Variants in DNHD1 observed in about 807,000 individuals in gnomAD.
The protein encoded by DNHD1 is dynein heavy chain domain 1.
A neutral mutation model predicts 458.1 loss-of-function variants in DNHD1; 383 were observed. That is an observed-to-expected ratio of 0.84 (90% confidence interval 0.77 to 0.91). The LOEUF is 0.91. Ranked by LOEUF, DNHD1 falls within the 40% of genes least tolerant of loss-of-function variation. The probability of loss-of-function intolerance (pLI) is 0.00; values close to 1 mark genes in which losing one functional copy is unlikely to be tolerated. For synonymous variants in DNHD1, 2,203 were observed against 2,376.9 expected, an observed-to-expected ratio of 0.93 and a Z score of 2.13; for missense variants, 5,336 against 5,866.1, an observed-to-expected ratio of 0.91 and a Z score of 2.95.
rs752670743 is a variant in DNHD1, at chr11:6,520,133, G to A, written c.1785+31G>A. 9.9e-6 allele frequency: 16 copies of A among 1,613,914 alleles called. No individual in the cohort carries two copies. The East Asian group carries it at 2.7e-4, about 27-fold the overall frequency. ...CTGAATTGGGCAGAGAGCTGGCTGT[G>A]GGAATTCCCAGTTCCTATCCTCTGA... On this transcript the variant is annotated intron_variant, in intron 9 of 42. Transcript: ENST00000254579.
At position 6,559,083 on chromosome 11, in the gene DNHD1, G is replaced by A. The variant is rs1460405640; in HGVS notation, c.9393G>A (p.Leu3131=). ...TGATGCTGCAGCAACAGACAATCCT[G>A]AAGATTAAGAACAAGGCCCAGCGGT... ...TFLMLQQQTI[L]KIKNKAQRVQ... The change falls in exon 27 of 43, where the codon CTG becomes CTA. Residue 3131 remains leucine, a synonymous_variant. Transcript: ENST00000254579. 2 of 1,551,676 alleles carry A rather than the reference G, an allele frequency of 1.3e-6. No homozygotes were observed. Among genetic ancestry groups the A allele is most frequent in the East Asian group, 2.4e-5 (1 of 40,918 alleles).
chr11:6,506,590 A>C (rs1049011280), intron 4 of DNHD1, among the ~76,000 whole-genome samples: 4 of 152,144 alleles, frequency 2.6e-5, no homozygotes, highest in Non-Finnish European at 5.9e-5. Flanking sequence ...ATTTATCAAA[A>C]TTTTAATTGC....
chr11:6,559,945 T>C (rs970643364), intron 28 of DNHD1, among the ~76,000 whole-genome samples: 2 of 152,198 alleles, frequency 1.3e-5, no homozygotes, highest in Non-Finnish European at 2.9e-5. Context: ...TCCCTTCTAG[T>C]TGAAACCTCA....
At chr11:6,499,080 C>CAACT (rs1852089168) in intron 3 of DNHD1, 119 bp downstream of exon 3, 1 of 1,151,882 alleles carries the variant, frequency 8.7e-7, no homozygotes, top group African/African-American at 1.6e-5. Context: ...GGGATTAGCC[C>CAACT]AACTCCACAC....
intron 10 of DNHD1, among the ~76,000 whole-genome samples, chr11:6,524,987 G>A (rs1247600040): frequency 6.6e-6 from 1 of 152,152 alleles, no homozygotes; most frequent in Non-Finnish European, 1.5e-5. Flanking sequence ...ACTCTTTCCT[G>A]CTTTTAGCTA....
intron 16 of DNHD1, among the ~76,000 whole-genome samples, 180 bp downstream of exon 16, chr11:6,538,990 A>G (rs1470129642): frequency 6.6e-6 from 1 of 152,110 alleles, no homozygotes; most frequent in East Asian, 1.9e-4. Context: ...AACTTCCCTT[A>G]CTACCTCCTC....
rs749035715 is a variant in DNHD1, at chr11:6,567,620, C to T, written c.12111C>T (p.Leu4037=). Residue 4037 remains leucine, a synonymous_variant, in exon 36 of 43, where the codon CTC becomes CTT. Coordinates refer to ENST00000254579, the MANE Select transcript of DNHD1 (RefSeq NM_144666.3). ...GGCCAGGGCCTGAGCCACTCAGCCT[C>T]CTCCAGAAGCTGATCCTGTGGCGCG... ...APGPGPEPLS[L]LQKLILWRVL... 13 of 1,613,888 alleles carry T rather than the reference C, an allele frequency of 8.1e-6. No individual in the cohort carries two copies. Among genetic ancestry groups the T allele is most frequent in the Non-Finnish European group, 9.3e-6 (11 of 1,179,858 alleles).
chr11:6,521,168 C>A (rs1164765493), intron 10 of DNHD1, among the ~76,000 whole-genome samples: 2 of 152,146 alleles, frequency 1.3e-5, no homozygotes, highest in Non-Finnish European at 2.9e-5. Flanking sequence ...AACAAACATA[C>A]CTAACCTGAA....
intron 3 of DNHD1, among the ~76,000 whole-genome samples, chr11:6,502,135 A>G (rs1453015833): frequency 6.6e-6 from 1 of 152,172 alleles, no homozygotes; most frequent in Admixed American, 6.5e-5. Flanking sequence ...TTCCATACCA[A>G]TTTTGTTGAC....
At chr11:6,562,899 A>G (rs941892658) in intron 28 of DNHD1, 83 bp from the exon 29 acceptor site, 1 of 1,458,684 alleles carries the variant, frequency 6.9e-7, no homozygotes, top group South Asian at 1.4e-5. Flanking sequence ...GGAGTGTGCT[A>G]CAGTTCCAGG....
At chr11:6,521,014 T>C (rs900205608) in intron 10 of DNHD1, 12 of 307,066 alleles carry the variant, frequency 3.9e-5, no homozygotes, top group Middle Eastern at 1.7e-3. Flanking sequence ...TTACAAATTA[T>C]ACACCAGTTG....
At chr11:6,541,448 ATGTT>A (rs1853096697) in intron 18 of DNHD1, among the ~76,000 whole-genome samples, 1 of 152,212 alleles carries the variant, frequency 6.6e-6, no homozygotes, top group Non-Finnish European at 1.5e-5. Flanking sequence ...GGAAGCAAAA[ATGTT>A]TGGGTCTTGT....
At chr11:6,550,596 C>T (rs1215048384) in intron 24 of DNHD1, among the ~76,000 whole-genome samples, 1 of 152,120 alleles carries the variant, frequency 6.6e-6, no homozygotes, top group Admixed American at 6.5e-5. Context: ...TAGAAACTGA[C>T]CCTGAGATCT....
At chr11:6,539,828 C>T (rs1420003730) in intron 17 of DNHD1, 48 bp from the exon 18 acceptor site, 4 of 1,516,264 alleles carry the variant, frequency 2.6e-6, no homozygotes, top group South Asian at 1.2e-5. Context: ...CCAAGCCTGT[C>T]CCCGAAGCAG....
In DNHD1 at chr11:6,571,349, G is replaced by A. The variant is rs763316966; in HGVS notation, c.13837G>A (p.Gly4613Ser). 15 of 1,612,262 alleles carry A rather than the reference G, an allele frequency of 9.3e-6. No individual in the cohort carries two copies. Among genetic ancestry groups the A allele is most frequent in the Non-Finnish European group, 1.3e-5 (15 of 1,179,436 alleles). Residue 4613 changes from glycine to serine, a missense_variant, in exon 42 of 43, where the codon GGT becomes AGT. Around this residue, in one of 4 missense-constraint regions of DNHD1, gnomAD observed 698 missense variants for 664.9 expected, o/e 1.05. Coordinates refer to ENST00000254579, the MANE Select transcript of DNHD1 (RefSeq NM_144666.3). The surrounding 1 kb of genome is among the most constrained non-coding windows in gnomAD (Gnocchi z 5.0). ...GAATGTGCCCAGCTCGAATTTCCCT[G>A]GTAGCCGAGGCTCGGTCTCCAGTCA... The part of the protein sequence containing the change: ...DQNVPSSNFP[G>S]SRGSVSSQLQ...
At chr11:6,543,958 CAAAAAAAAAAAAA>C (rs34739231) in intron 18 of DNHD1, among the ~76,000 whole-genome samples, 150 bp from the exon 19 acceptor site, 5 of 74,000 alleles carry the variant, frequency 6.8e-5, no homozygotes, top group Admixed American at 3.7e-4. Context: ...GACTCTGTCT[CAAAAAAAAAAAAA>C]AAAAAAAAAA....
At position 6,571,124 on chromosome 11, in the gene DNHD1, C is replaced by G. The variant is rs754601076; in HGVS notation, c.13612C>G (p.Arg4538Gly). The change falls in exon 42 of 43, where the codon CGA becomes GGA. Residue 4538 changes from arginine (R) to glycine (G), a missense_variant. Physicochemically the swap from Arg to Gly is moderately radical, Grantham distance 125. This residue lies in a region of DNHD1 where 698 missense variants were observed against 664.9 expected (regional missense o/e 1.05). Transcript: ENST00000254579. This position sits in a 1 kb window ranked among gnomAD's most constrained non-coding sequence, Gnocchi z 5.0. ...LWTGRLPLPWRPHAPAGPQPP... is the reference protein window; with the variant it reads ...LWTGRLPLPWGPHAPAGPQPP... ...GACTGGCCGCCTACCCTTGCCTTGG[C>G]GACCTCATGCGCCGGCCGGTCCGCA... The G allele has an allele frequency of 6.3e-7, 1 of 1,599,410 alleles. No homozygotes were observed. The highest frequency in any genetic ancestry group is 8.5e-7 in the Non-Finnish European group (1 of 1,174,696).
intron 24 of DNHD1, 177 bp downstream of exon 24, chr11:6,549,110 C>A: frequency 2.9e-6 from 2 of 683,198 alleles, no homozygotes; most frequent in Non-Finnish European, 4.8e-6. Flanking sequence ...CTCTCATGGC[C>A]TCATCTCTGC....
At chr11:6,541,394 T>G (rs1411321262) in intron 18 of DNHD1, among the ~76,000 whole-genome samples, 1 of 152,208 alleles carries the variant, frequency 6.6e-6, no homozygotes, top group Non-Finnish European at 1.5e-5. Context: ...TAAATAGATT[T>G]GCAAACACAC....
Sources: allele counts gnomAD v4.1 joint callset (sites outside exome capture counted in the v4.1 genomes callset), GRCh38; gene constraint gnomAD v4.1.1; regional missense constraint gnomAD v4.1.1; non-coding constraint Gnocchi (gnomAD v3.1); transcripts MANE v1.5; gene names NCBI Gene and HGNC (gene_info 2026-07-23, HGNC 2026-07-21).